MAPRE2: variants seen among roughly 807,000 people sequenced by gnomAD.
MAPRE2 encodes microtubule-associated protein RP/EB family member 2.
In MAPRE2, 13 loss-of-function variants were observed where a neutral mutation model predicts 43.2. The observed-to-expected ratio is 0.30, with a 90% CI of 0.20 to 0.48. The LOEUF is 0.48. MAPRE2 is among the 20% of genes least tolerant of loss of function. The pLI is 0.99. For synonymous variants in MAPRE2, 135 were observed against 148.8 expected (o/e 0.91, Z 0.68); for missense variants, 161 against 400.2 (o/e 0.40, Z 5.10).
rs1001085499 is a variant in MAPRE2 at position 35,141,926 on chromosome 18, CAAAAG to C, written c.*1560_*1564del. On this transcript the variant is annotated 3_prime_UTR_variant, in exon 7 of 7. Transcript: ENST00000300249. ...AAATTCTAGCATTGAAGCTTTTCAC[CAAAAG>C]AAGTCTCTCCAAAATAAATCTTTTG... 2.6e-4 allele frequency: 39 copies of C among 150,050 alleles called. No homozygotes were observed. The highest frequency in any genetic ancestry group is 2.1e-3 in the Admixed American group (32 of 15,002). The allele number at this position is 150,050 out of a possible 1,614,324, so 9.3% of individuals were successfully genotyped here.
intron 2 of MAPRE2, among the ~76,000 whole-genome samples, chr18:35,014,094 C>T (rs571939456): frequency 6.6e-6 from 1 of 152,108 alleles, no homozygotes; most frequent in Admixed American, 6.6e-5. Flanking sequence ...AGCAAGAATC[C>T]GAATAAGATG....
chr18:35,080,513 A>G (rs1233982496), intron 2 of MAPRE2, among the ~76,000 whole-genome samples: 1 of 152,196 alleles, frequency 6.6e-6, no homozygotes, highest in African/African-American at 2.4e-5. Flanking sequence ...GTAGGGCACT[A>G]ATGGGCAGTC....
chr18:35,128,270 C>T (rs1277443003), intron 5 of MAPRE2, among the ~76,000 whole-genome samples: 2 of 152,152 alleles, frequency 1.3e-5, no homozygotes, highest in East Asian at 3.9e-4. Context: ...AGTTTGAGCC[C>T]TGTTTCCAAT....
intron 1 of MAPRE2, among the ~76,000 whole-genome samples, chr18:34,996,831 A>C (rs2097026743): frequency 6.6e-6 from 1 of 152,234 alleles, no homozygotes; most frequent in South Asian, 2.1e-4. Context: ...TTTAAAAACA[A>C]TATGCAAAGG....
At chr18:35,041,274 G>T, upstream of MAPRE2, 1 of 1,351,562 alleles carries the variant, frequency 7.4e-7, no homozygotes, top group Non-Finnish European at 9.6e-7. Context: ...GCGACCCTGT[G>T]CGAATTGAGG....
At chr18:35,071,843 CAGTA>C (rs1907131035) in intron 2 of MAPRE2, among the ~76,000 whole-genome samples, 1 of 152,208 alleles carries the variant, frequency 6.6e-6, no homozygotes, top group Non-Finnish European at 1.5e-5. Context: ...ACGAGGAAGA[CAGTA>C]AGGTTGGCCA....
intron 3 of MAPRE2, among the ~76,000 whole-genome samples, chr18:35,101,079 A>C (rs1488511432): frequency 6.6e-6 from 1 of 152,212 alleles, no homozygotes; most frequent in African/African-American, 2.4e-5. Flanking sequence ...ATCAGTCTTG[A>C]AATAGCACAA....
intron 1 of MAPRE2, among the ~76,000 whole-genome samples, chr18:34,985,524 A>AATATATTATATATATATTATAT (rs1568962009): frequency 2.0e-5 from 1 of 50,738 alleles, no homozygotes; most frequent in African/African-American, 8.7e-5. Flanking sequence ...TATATTATAT[A>AATATATTATATATATATTATAT]TTATAAATAT....
intron 1 of MAPRE2, among the ~76,000 whole-genome samples, chr18:34,994,400 C>CTT (rs34555170): frequency 0.15 from 22,364 of 148,966 alleles, 1,705 homozygotes; most frequent in South Asian, 0.2. Flanking sequence ...CTGTTTTTTG[C>CTT]TTTTTTTTTT....
intron 1 of MAPRE2, chr18:34,978,378 C>T (rs1300400741): frequency 1.6e-5 from 13 of 820,808 alleles, no homozygotes; most frequent in Middle Eastern, 2.3e-4. Context: ...AGTATCGACC[C>T]TGGGGCCGCG....
intron 5 of MAPRE2, among the ~76,000 whole-genome samples, chr18:35,128,625 G>A (rs1047204143): frequency 2.6e-5 from 4 of 152,114 alleles, no homozygotes; most frequent in East Asian, 1.9e-4. Context: ...ATCTTGTATC[G>A]TCTTATATCA....
intron 1 of MAPRE2, among the ~76,000 whole-genome samples, chr18:35,066,539 G>C (rs778174000): frequency 3.9e-5 from 6 of 152,150 alleles, no homozygotes; most frequent in Non-Finnish European, 8.8e-5. Context: ...TTTAACATTT[G>C]GAAAAAATAT....
intron 2 of MAPRE2, among the ~76,000 whole-genome samples, chr18:35,019,369 C>T (rs180788901): frequency 1.3e-5 from 2 of 151,874 alleles, no homozygotes; most frequent in Non-Finnish European, 2.9e-5. Context: ...GTCCAGAATT[C>T]CTTTGTCAAT....
intron 4 of MAPRE2, among the ~76,000 whole-genome samples, chr18:35,105,253 A>G (rs776479929): frequency 6.6e-6 from 1 of 152,124 alleles, no homozygotes; most frequent in Non-Finnish European, 1.5e-5. Context: ...TTTATTTTTA[A>G]TGTTCTGGAA....
intron 2 of MAPRE2, among the ~76,000 whole-genome samples, chr18:35,018,410 A>G (rs923052813): frequency 1.3e-5 from 2 of 151,630 alleles, no homozygotes; most frequent in Non-Finnish European, 2.9e-5. Flanking sequence ...ATCTGCTAGA[A>G]TTTGACTGTG....
At chr18:34,991,551 T>A (rs2150574755) in intron 1 of MAPRE2, among the ~76,000 whole-genome samples, 1 of 152,290 alleles carries the variant, frequency 6.6e-6, no homozygotes, top group Middle Eastern at 3.4e-3. Context: ...GCGTGGCCTT[T>A]TTTCTCCTCT....
chr18:35,068,140 A>T (rs1906926092), intron 1 of MAPRE2, among the ~76,000 whole-genome samples: 1 of 152,204 alleles, frequency 6.6e-6, no homozygotes, highest in African/African-American at 2.4e-5. Flanking sequence ...TGCTTTCATG[A>T]GCATAAATAG....
At chr18:34,977,993 C>T (rs1280431634) in intron 1 of MAPRE2, among the ~76,000 whole-genome samples, 1 of 152,172 alleles carries the variant, frequency 6.6e-6, no homozygotes, top group East Asian at 1.9e-4. Context: ...CAATACAGTG[C>T]CAAGGGCAGA....
intron 1 of MAPRE2, among the ~76,000 whole-genome samples, chr18:35,058,486 T>C (rs1402432165): frequency 6.6e-6 from 1 of 152,074 alleles, no homozygotes; most frequent in Non-Finnish European, 1.5e-5. Flanking sequence ...TTTGAAAAAA[T>C]TATAAGCAGT....
Sources: allele counts gnomAD v4.1 joint callset (sites outside exome capture counted in the v4.1 genomes callset), GRCh38; gene constraint gnomAD v4.1.1; transcripts MANE v1.5; gene names NCBI Gene and HGNC (gene_info 2026-07-23, HGNC 2026-07-21).